The following IDH2 variants were observed in gnomAD, a reference collection of about 807,000 sequenced individuals.
The protein encoded by IDH2 is isocitrate dehydrogenase (NADP(+)) 2, also known as isocitrate dehydrogenase [NADP], mitochondrial.
IDH2 carries 18 observed loss-of-function variants against 50.5 expected under a neutral mutation model. That is an observed-to-expected ratio of 0.36 (90% CI 0.25 to 0.53). The LOEUF (loss-of-function observed/expected upper bound fraction) is 0.53. Among genes scored for constraint, IDH2 ranks in the 20% least tolerant of loss-of-function variants. The pLI, the probability that IDH2 is intolerant of heterozygous loss-of-function variation, is 0.92. For missense variants in IDH2, 518 were observed against 610.7 expected, an observed-to-expected ratio of 0.85 and a Z score of 1.60; for synonymous variants, 280 against 239.8, an observed-to-expected ratio of 1.17 and a Z score of -1.55.
chr15:90,089,418 G>A (rs1031761486), intron 3 of IDH2, among the ~76,000 whole-genome samples: 6 of 152,172 alleles, frequency 3.9e-5, no homozygotes, highest in Non-Finnish European at 7.3e-5. Flanking sequence ...AGTACAGTCC[G>A]GGGGAAGGAC....
rs1555462240 is a variant in IDH2 at position 90,098,531 on chromosome 15, C to CATGCATGTATGTATGCATGCATGTATGT, written c.115+3744_115+3745insACATACATGCATGCATACATACATGCAT. On this transcript the variant is annotated intron_variant, in intron 1 of 10. Transcript: ENST00000330062. This position sits in a 1 kb window ranked among gnomAD's most constrained non-coding sequence, Gnocchi z 5.1. ...GTATGTATGTATGTATGTATGCATG[C>CATGCATGTATGTATGCATGCATGTATGT]ATGTATGTATGTATGTATGTATGTA... Among the ~76,000 whole-genome samples the CATGCATGTATGTATGCATGCATGTATGT allele has an allele frequency of 2.2e-5, 3 of 138,354 alleles. No individual in the cohort carries two copies. The highest frequency in any genetic ancestry group is 8.2e-5 in the African/African-American group (3 of 36,726). The allele number at this position is 138,354 out of a possible 152,430, so 90.8% of individuals were successfully genotyped here.
At position 90,085,939 on chromosome 15, in the gene IDH2, T is replaced by C. The variant is rs777957207; in HGVS notation, c.968-552A>G. 1.3e-5 allele frequency among the ~76,000 whole-genome samples: 2 copies of C among 152,298 alleles called. No homozygotes were observed. Among genetic ancestry groups the C allele is most frequent in the African/African-American group, 2.4e-5 (1 of 41,568 alleles). ...CACCCCCATGACACCAAAATAAGGATTGAAGAAAGAAAACATGGACAACAT... is the reference window on the plus strand; with the variant it reads ...CACCCCCATGACACCAAAATAAGGACTGAAGAAAGAAAACATGGACAACAT... On this transcript the variant is annotated intron_variant, in intron 7 of 10. Coordinates refer to ENST00000330062, the MANE Select transcript of IDH2 (RefSeq NM_002168.4). The surrounding 1 kb of genome is among the most constrained non-coding windows in gnomAD (Gnocchi z 5.5).
rs1596081162 is a variant in IDH2, at chr15:90,098,687, G to A, written c.115+3589C>T. Among the ~76,000 whole-genome samples the A allele has an allele frequency of 6.6e-6, 1 of 152,162 alleles. No individual in the cohort carries two copies. The highest frequency in any genetic ancestry group is 1.5e-5 in the Non-Finnish European group (1 of 68,022). On this transcript the variant is annotated intron_variant, in intron 1 of 10. Transcript: ENST00000330062. The surrounding 1 kb of genome is among the most constrained non-coding windows in gnomAD (Gnocchi z 5.1). ...AGCCCCTGAGTAGCTGGGACTACAG[G>A]CGCCTGCCACCACACCCAGCTAATT...
At chr15:90,101,900 G>GC (rs1323800627) in intron 1 of IDH2, among the ~76,000 whole-genome samples, 1 of 151,814 alleles carries the variant, frequency 6.6e-6, no homozygotes, top group Non-Finnish European at 1.5e-5. Flanking sequence ...GGGTGCTCCA[G>GC]CCCCCCACGG....
intron 1 of IDH2, among the ~76,000 whole-genome samples, chr15:90,097,785 T>C (rs544217015): frequency 6.6e-6 from 1 of 152,202 alleles, no homozygotes; most frequent in Admixed American, 6.5e-5. Context: ...TTAACAATAC[T>C]GTACACTGAA....
In IDH2 at chr15:90,101,884, C is replaced by G. The variant is rs951491886; in HGVS notation, c.115+392G>C. On this transcript the variant is annotated intron_variant, in intron 1 of 10. Coordinates refer to ENST00000330062, the MANE Select transcript of IDH2 (RefSeq NM_002168.4). ...ACGACCCTCCCTCTCGCCAGGGGAG[C>G]GCGCGGGGTGCTCCAGCCCCCCACG... is the stretch of plus-strand genomic sequence containing the variant. Among the ~76,000 whole-genome samples, 9 of 152,080 alleles carry G rather than the reference C, an allele frequency of 5.9e-5. No individual in the cohort carries two copies. The East Asian group carries it at 1.6e-3, about 26-fold the overall frequency.
chr15:90,094,303 G>A (rs1477494776), intron 1 of IDH2, among the ~76,000 whole-genome samples: 1 of 152,222 alleles, frequency 6.6e-6, no homozygotes, highest in Non-Finnish European at 1.5e-5. Context: ...CTTGGACAAG[G>A]CTTGTTGAAC....
At chr15:90,087,295 G>A in intron 6 of IDH2, 32 bp from the exon 7 acceptor site, 1 of 1,613,988 alleles carries the variant, frequency 6.2e-7, no homozygotes, top group Non-Finnish European at 8.5e-7. Flanking sequence ...ATGGGGAGAG[G>A]GCAGAAGGCT....
chr15:90,088,300 A>G (rs775997331), intron 5 of IDH2, 59 bp downstream of exon 5: 5 of 1,600,946 alleles, frequency 3.1e-6, no homozygotes, highest in Non-Finnish European at 1.7e-6. Context: ...AAGCCACGAG[A>G]CAGAGATGAA....
In IDH2 at chr15:90,091,545, G is replaced by C. The variant is rs759108944; in HGVS notation, c.207+8C>G. The C allele has an allele frequency of 6.2e-7, 1 of 1,611,134 alleles. No homozygotes were observed. The highest frequency in any genetic ancestry group is 1.1e-5 in the South Asian group (1 of 91,014). ...TGGAGAGCCACCCACTTCAGGAGGGGGCACTACCTTCTCCTTGATGAACTG... is the reference window on the plus strand; with the variant it reads ...TGGAGAGCCACCCACTTCAGGAGGGCGCACTACCTTCTCCTTGATGAACTG... On this transcript the variant is annotated splice_region_variant and intron_variant, in intron 2 of 10. Coordinates refer to ENST00000330062, the MANE Select transcript of IDH2 (RefSeq NM_002168.4).
Position 90,100,561 on chromosome 15 carries a change from C to G in IDH2, c.115+1715G>C, listed in dbSNP as rs752400038. 1.1e-6 allele frequency: 1 copy of G among 948,420 alleles called. No individual in the cohort carries two copies. Among genetic ancestry groups the G allele is most frequent in the African/African-American group, 1.8e-5 (1 of 56,524 alleles). 58.8% of individuals were successfully genotyped at this position (948,420 alleles called of 1,614,324 possible). A position where few individuals can be genotyped will look rare whatever the true frequency, so the allele number is the denominator to read the frequency against. ...TTCACAGAACTGGTCCGCACTGCCCCAAGCTCTAACTTACCAGAAACATCA... is the reference window on the plus strand; with the variant it reads ...TTCACAGAACTGGTCCGCACTGCCCGAAGCTCTAACTTACCAGAAACATCA... On this transcript the variant is annotated intron_variant, in intron 1 of 10. Coordinates refer to ENST00000330062, the MANE Select transcript of IDH2 (RefSeq NM_002168.4). The surrounding 1 kb of genome is among the most constrained non-coding windows in gnomAD (Gnocchi z 4.1).
At chr15:90,101,621 A>C (rs1030789501) in intron 1 of IDH2, among the ~76,000 whole-genome samples, 8 of 148,334 alleles carry the variant, frequency 5.4e-5, no homozygotes, top group African/African-American at 2.0e-4. Context: ...CTGCCAAGGC[A>C]GGTCAAGTCA....
chr15:90,088,477 T>A lies in IDH2; in HGVS notation c.560A>T (p.Asp187Val), dbSNP rs2151549299. 1 of 1,614,224 alleles carries A rather than the reference T, an allele frequency of 6.2e-7. No individual in the cohort carries two copies. Residue 187 changes from aspartate (D) to valine (V), a missense_variant, in exon 5 of 11, where the codon GAC (aspartate) becomes GTC (valine). Asp to Val is a radical substitution (Grantham distance 152, BLOSUM62 -3). Transcript: ENST00000330062. The stretch of plus-strand genomic sequence containing the variant: ...GACCATTTTGAAAGTGCCGGCCCGG[T>A]CTGCCACAAAGTCTGTGGCCTTGTA... ...DQYKATDFVA[D>V]RAGTFKMVFT...
intron 1 of IDH2, 43 bp from the exon 2 acceptor site, chr15:90,091,687 T>C: frequency 1.3e-6 from 2 of 1,545,828 alleles, no homozygotes; most frequent in Non-Finnish European, 1.8e-6. Flanking sequence ...CTGGGGAGGC[T>C]GGAGGGGGGC....
intron 5 of IDH2, among the ~76,000 whole-genome samples, chr15:90,087,779 CTTTTTTTTTTTTTTGGAAAACACCGCCT>C (rs1900904877): frequency 7.8e-6 from 1 of 128,844 alleles, no homozygotes; most frequent in Non-Finnish European, 1.7e-5. Context: ...AAAACACCGC[CTTTTTTTTTTTTTTGGAAAACACCGCCT>C]TTTTTTTTTT....
chr15:90,083,459 T>C lies in IDH2; in HGVS notation c.*807A>G, dbSNP rs79030764. 0.014 allele frequency: 2,064 copies of C among 152,274 alleles called. 26 individuals are homozygous for C. The highest frequency in any genetic ancestry group is 0.034 in the Middle Eastern group (10 of 296). The allele number at this position is 152,274 out of a possible 1,614,324, so 9.4% of individuals were successfully genotyped here. On this transcript the variant is annotated 3_prime_UTR_variant, in exon 11 of 11. Coordinates refer to ENST00000330062, the MANE Select transcript of IDH2 (RefSeq NM_002168.4). Reference sequence around the variant, plus strand: ...AGAACAATTTGTCACAAGCTTACTTTTCTAGTTTTGCCAATGCATGGTGAA... The same window carrying C: ...AGAACAATTTGTCACAAGCTTACTTCTCTAGTTTTGCCAATGCATGGTGAA...
intron 1 of IDH2, 82 bp from the exon 2 acceptor site, chr15:90,091,726 AC>A: frequency 8.8e-7 from 1 of 1,133,870 alleles, no homozygotes; most frequent in Non-Finnish European, 1.3e-6. Flanking sequence ...CCCGCCCTTC[AC>A]CAGGAGACAG....
In IDH2 at chr15:90,084,133, A is replaced by T. The variant is rs1288348376; in HGVS notation, c.*133T>A. On this transcript the variant is annotated 3_prime_UTR_variant, in exon 11 of 11. Coordinates refer to ENST00000330062, the MANE Select transcript of IDH2 (RefSeq NM_002168.4). The surrounding 1 kb of genome is among the most constrained non-coding windows in gnomAD (Gnocchi z 5.0). Reference sequence around the variant, plus strand: ...GAAACACACATATGCTTTTAAAAACATCTGGCTTATAAAAAAACATCCCCT... The same window carrying T: ...GAAACACACATATGCTTTTAAAAACTTCTGGCTTATAAAAAAACATCCCCT... 2 of 701,970 alleles carry T rather than the reference A, an allele frequency of 2.8e-6. No homozygotes were observed. Among genetic ancestry groups the T allele is most frequent in the Non-Finnish European group, 5.0e-6 (2 of 397,298 alleles). The allele number at this position is 701,970 out of a possible 1,614,324, so 43.5% of individuals were successfully genotyped here. A position where few individuals can be genotyped will look rare whatever the true frequency, so the allele number is the denominator to read the frequency against.
intron 1 of IDH2, among the ~76,000 whole-genome samples, chr15:90,094,824 C>T (rs1442420746): frequency 1.3e-5 from 2 of 152,134 alleles, no homozygotes; most frequent in African/African-American, 2.4e-5. Flanking sequence ...ATCGCTTGAA[C>T]CCGGGAGGTG....
Sources: gnomAD v4.1 joint callset for allele counts (sites outside exome capture counted in the v4.1 genomes callset) on GRCh38, gnomAD v4.1.1 for gene constraint, Gnocchi (gnomAD v3.1) non-coding constraint, MANE v1.5 for transcripts, NCBI Gene and HGNC (gene_info 2026-07-23, HGNC 2026-07-21) for gene names.